PRKG1: variants seen among roughly 807,000 people sequenced by gnomAD.
PRKG1 encodes the protein protein kinase cGMP-dependent 1.
Under a neutral mutation model 88.1 loss-of-function variants are expected in PRKG1, and 35 were observed. That is an observed-to-expected ratio of 0.40 (90% CI 0.30 to 0.53). PRKG1 has a LOEUF of 0.53. PRKG1 is among the 20% of genes least tolerant of loss of function. The pLI, the probability that PRKG1 is intolerant of heterozygous loss-of-function variation, is 0.59. For synonymous variants in PRKG1, 303 were observed against 292.5 expected, an observed-to-expected ratio of 1.04 and a Z score of -0.37; for missense variants, 540 against 839.8, an observed-to-expected ratio of 0.64 and a Z score of 4.41.
chr10:51,769,227 G>C (rs927701701), intron 3 of PRKG1, among the ~76,000 whole-genome samples: 1 of 152,176 alleles, frequency 6.6e-6, no homozygotes, highest in African/African-American at 2.4e-5. Context: ...CGGCGTCAGA[G>C]TGGTTCTCTG....
intron 5 of PRKG1, among the ~76,000 whole-genome samples, chr10:51,978,418 GC>G (rs71032611): frequency 0.22 from 31,662 of 146,360 alleles, 3,913 homozygotes; most frequent in Non-Finnish European, 0.28. Flanking sequence ...GCTTAGGATT[GC>G]CTTGGCCATT....
At chr10:51,793,721 T>C (rs1838932566) in intron 3 of PRKG1, among the ~76,000 whole-genome samples, 1 of 152,062 alleles carries the variant, frequency 6.6e-6, no homozygotes, top group South Asian at 2.1e-4. Context: ...GAGAGTGGGA[T>C]CATACATTCA....
At chr10:51,443,773 T>G (rs1425293991) in intron 2 of PRKG1, among the ~76,000 whole-genome samples, 1 of 151,984 alleles carries the variant, frequency 6.6e-6, no homozygotes, top group African/African-American at 2.4e-5. Flanking sequence ...TCCCACCCTG[T>G]AGAAATCCTG....
intron 3 of PRKG1, among the ~76,000 whole-genome samples, chr10:51,565,741 T>G (rs78841064): frequency 0.069 from 10,509 of 152,068 alleles, 1,186 homozygotes; most frequent in African/African-American, 0.24. Context: ...TCTGTTCAAA[T>G]TAGAAGGGAA....
At chr10:51,640,948 G>C (rs571942021) in intron 3 of PRKG1, among the ~76,000 whole-genome samples, 1 of 152,142 alleles carries the variant, frequency 6.6e-6, no homozygotes, top group South Asian at 2.1e-4. Flanking sequence ...TTTGCTTGCT[G>C]AATTTGTAGA....
intron 2 of PRKG1, among the ~76,000 whole-genome samples, chr10:51,267,615 A>G (rs765182365): frequency 1.3e-5 from 2 of 152,226 alleles, no homozygotes; most frequent in African/African-American, 2.4e-5. Flanking sequence ...CACATGTAGA[A>G]GAATGAAACT....
At chr10:51,098,314 T>A (rs1344186192) in intron 1 of PRKG1, among the ~76,000 whole-genome samples, 1 of 152,158 alleles carries the variant, frequency 6.6e-6, no homozygotes, top group Non-Finnish European at 1.5e-5. Context: ...CAAAGCATAG[T>A]TGTGAGGATT....
chr10:51,711,170 A>G (rs1022533659), intron 3 of PRKG1, among the ~76,000 whole-genome samples: 6 of 152,042 alleles, frequency 3.9e-5, no homozygotes, highest in African/African-American at 1.2e-4. Flanking sequence ...CAGTGGTGCA[A>G]TCTTGGCTCA....
At chr10:52,181,475 C>A (rs1326063529) in intron 9 of PRKG1, among the ~76,000 whole-genome samples, 1 of 113,206 alleles carries the variant, frequency 8.8e-6, no homozygotes, top group Non-Finnish European at 1.7e-5. Context: ...GGTACATGTG[C>A]ACATTGTGCA....
chr10:51,912,854 G>T (rs1040705020), intron 5 of PRKG1, among the ~76,000 whole-genome samples: 5 of 151,826 alleles, frequency 3.3e-5, no homozygotes, highest in Non-Finnish European at 7.4e-5. Flanking sequence ...TATAGTACAG[G>T]AATGAATCTC....
At chr10:52,183,938 CA>C (rs1181930303) in intron 9 of PRKG1, among the ~76,000 whole-genome samples, 2 of 152,196 alleles carry the variant, frequency 1.3e-5, no homozygotes, top group African/African-American at 2.4e-5. Context: ...CTTTTCCCTA[CA>C]GGGGGAAGTC....
intron 3 of PRKG1, among the ~76,000 whole-genome samples, chr10:51,699,986 C>T (rs868326779): frequency 2.6e-5 from 4 of 152,234 alleles, no homozygotes; most frequent in Middle Eastern, 3.2e-3. Flanking sequence ...GGATTTAAGG[C>T]GGCGTGTTTT....
intron 3 of PRKG1, among the ~76,000 whole-genome samples, chr10:51,504,904 A>T (rs1301734241): frequency 6.6e-6 from 1 of 152,200 alleles, no homozygotes; most frequent in African/African-American, 2.4e-5. Context: ...ATATACAATC[A>T]TGTCATCTGC....
rs139879932 is a variant in PRKG1, at chr10:52,210,456, A to T, written c.1077-41114A>T. Among the ~76,000 whole-genome samples, 1,053 of 152,212 alleles carry T rather than the reference A, an allele frequency of 6.9e-3. 3 individuals carry two copies. The highest frequency in any genetic ancestry group is 0.01 in the Non-Finnish European group (694 of 68,012). On this transcript the variant is annotated intron_variant, in intron 9 of 17. Transcript: ENST00000373980. ...CACTCATTTAAAAAATATTTTCCAC[A>T]AACTCACACCCTATGCAATCATAGA...
chr10:51,633,012 G>A (rs1464816005), intron 3 of PRKG1, among the ~76,000 whole-genome samples: 1 of 152,110 alleles, frequency 6.6e-6, no homozygotes, highest in African/African-American at 2.4e-5. Context: ...AACTCATGTA[G>A]TCTTTACATT....
chr10:51,011,743 T>C (rs10128514), intron 1 of PRKG1, among the ~76,000 whole-genome samples: 48,179 of 152,130 alleles, frequency 0.32, 7,781 homozygotes, highest in East Asian at 0.48. Context: ...TGCCTTACTC[T>C]GGGTTCAGTT....
intron 5 of PRKG1, among the ~76,000 whole-genome samples, chr10:51,928,424 T>C (rs928371885): frequency 3.9e-5 from 6 of 152,206 alleles, no homozygotes; most frequent in Non-Finnish European, 7.3e-5. Flanking sequence ...CAGAAAGCCA[T>C]GATGCTAATG....
chr10:51,887,035 G>A (rs1332956429), intron 4 of PRKG1, among the ~76,000 whole-genome samples: 9 of 152,232 alleles, frequency 5.9e-5, no homozygotes, highest in East Asian at 1.9e-4. Context: ...CACCCAGGTC[G>A]GAGTGCAGTG....
chr10:51,628,005 TC>T (rs1476250032), intron 3 of PRKG1, among the ~76,000 whole-genome samples: 10 of 47,208 alleles, frequency 2.1e-4, no homozygotes, highest in African/African-American at 3.0e-4. Flanking sequence ...TCTCTCTCTC[TC>T]TCTCTTTCTT....
Sources: gnomAD v4.1 joint callset for allele counts (sites outside exome capture counted in the v4.1 genomes callset) on GRCh38, gnomAD v4.1.1 for gene constraint, MANE v1.5 for transcripts, NCBI Gene and HGNC (gene_info 2026-07-23, HGNC 2026-07-21) for gene names.